Variants in ASPA observed in about 807,000 individuals in gnomAD.
ASPA encodes the protein ACY-2.
ASPA carries 25 observed loss-of-function variants against 29.6 expected under a neutral mutation model. The ratio of observed to expected loss-of-function variants is 0.85; its 90% CI spans 0.62 to 1.18. The LOEUF is 1.18. ASPA is among the 50% of genes most tolerant of loss of function. The pLI, the probability that ASPA is intolerant of heterozygous loss-of-function variation, is 0.00. For synonymous variants in ASPA, 131 were observed against 130.3 expected (o/e 1.01, Z -0.04); for missense variants, 333 against 385.7 (o/e 0.86, Z 1.14).
At chr17:3,487,851 C>A (rs954259907) in intron 3 of ASPA, among the ~76,000 whole-genome samples, 4 of 152,290 alleles carry the variant, frequency 2.6e-5, no homozygotes, top group African/African-American at 9.6e-5. Flanking sequence ...TTGGGGTAGG[C>A]AAACGACAAT....
Position 3,481,667 on chromosome 17 carries a change from G to T in ASPA, c.301G>T (p.Gly101Cys), listed in dbSNP as rs752153847. 15 of 1,613,636 alleles carry T rather than the reference G, an allele frequency of 9.3e-6. No homozygotes were observed. The Admixed American group carries it at 1.8e-4, about 20-fold the overall frequency. ...GGCTCAAGAAATAAATCATTTATTT[G>T]GTCCAAAAGACAGTGAAGATTCCTA... ...RRAQEINHLFGPKDSEDSYDI... is the reference protein window; with the variant it reads ...RRAQEINHLFCPKDSEDSYDI... The change falls in exon 2 of 6, where the codon GGT becomes TGT. Residue 101 changes from glycine (G) to cysteine (C), a missense_variant. Transcript: ENST00000263080.
chr17:3,490,304 G>A lies in ASPA; in HGVS notation c.634+962G>A, dbSNP rs1375459385. Among the ~76,000 whole-genome samples the A allele has an allele frequency of 6.6e-6, 1 of 152,078 alleles. No homozygotes were observed. The highest frequency in any genetic ancestry group is 6.6e-5 in the Admixed American group (1 of 15,266). ...ACAAGGTGGGTATATGCAGCTCTATGCACTATCTGCTCATTTATTTGGTAA... is the reference window on the plus strand; with the variant it reads ...ACAAGGTGGGTATATGCAGCTCTATACACTATCTGCTCATTTATTTGGTAA... On this transcript the variant is annotated intron_variant, in intron 4 of 5. Transcript: ENST00000263080. This position sits in a 1 kb window ranked among gnomAD's most constrained non-coding sequence, Gnocchi z 4.6.
At chr17:3,484,031 A>G (rs1212505577) in intron 3 of ASPA, among the ~76,000 whole-genome samples, 2 of 152,206 alleles carry the variant, frequency 1.3e-5, no homozygotes, top group Admixed American at 6.5e-5. Context: ...GTAACAAGCA[A>G]TTTAGCTCCA....
Position 3,483,531 on chromosome 17 carries a change from T to G in ASPA, c.465T>G (p.Tyr155Ter). The change falls in exon 3 of 6, where the codon TAT (tyrosine) becomes TAG (stop). Residue 155 changes from tyrosine to a stop codon, truncating the protein, a stop_gained. Coordinates refer to ENST00000263080, the MANE Select transcript of ASPA (RefSeq NM_000049.4). LOFTEE classifies it high-confidence loss of function. ...TGGCTCCACTACCCTGCTACGTTTA[T>G]CTGATTGAGCATCCTTCCCTCAAAT... ...TSLAPLPCYV[Y>*]LIEHPSLKYA... The G allele has an allele frequency of 6.2e-7, 1 of 1,614,228 alleles. No homozygotes were observed. The highest frequency in any genetic ancestry group is 8.5e-7 in the Non-Finnish European group (1 of 1,180,030).
At position 3,476,397 on chromosome 17, in the gene ASPA, T is replaced by TAAG. The variant is rs1567608720; in HGVS notation, c.236+4_236+6dup. The TAAG allele has an allele frequency of 6.2e-7, 1 of 1,612,990 alleles. No homozygotes were observed. Among genetic ancestry groups the TAAG allele is most frequent in the Admixed American group, 1.7e-5 (1 of 60,020 alleles). Reference sequence around the variant, plus strand: ...CATTTTTGACCTTGAAAATCTTGGGTAAGACTATGCTTTGTATTGTATATG... The same window carrying TAAG: ...CATTTTTGACCTTGAAAATCTTGGGTAAGAAGACTATGCTTTGTATTGTATATG... On this transcript the variant is annotated splice_region_variant and intron_variant, in intron 1 of 5. Transcript: ENST00000263080.
rs2073967073 is a variant in ASPA at position 3,499,649 on chromosome 17, A to G, written c.*561A>G. ...GTGGCCTTTGATGTTACTGTTGTTA[A>G]GTGTTTTGGGGCACCATGAATCGTG... On this transcript the variant is annotated 3_prime_UTR_variant, in exon 6 of 6. Coordinates refer to ENST00000263080, the MANE Select transcript of ASPA (RefSeq NM_000049.4). 6.6e-6 allele frequency: 1 copy of G among 152,254 alleles called. No individual in the cohort carries two copies. The highest frequency in any genetic ancestry group is 1.5e-5 in the Non-Finnish European group (1 of 68,172). 9.4% of individuals were successfully genotyped at this position (152,254 alleles called of 1,614,324 possible).
chr17:3,502,291 G>A lies in ASPA; in HGVS notation c.*3203G>A, dbSNP rs2073999564. 1 of 152,220 alleles carries A rather than the reference G, an allele frequency of 6.6e-6. No homozygotes were observed. Among genetic ancestry groups the A allele is most frequent in the Admixed American group, 6.5e-5 (1 of 15,284 alleles). The allele number at this position is 152,220 out of a possible 1,614,324, so 9.4% of individuals were successfully genotyped here. A position where few individuals can be genotyped will look rare whatever the true frequency, so the allele number is the denominator to read the frequency against. On this transcript the variant is annotated 3_prime_UTR_variant, in exon 6 of 6. Transcript: ENST00000263080. The stretch of plus-strand genomic sequence containing the variant: ...ACACATTTAACATACTACATATAGT[G>A]TGAGCATAACTTTTACACGTACTGG...
At chr17:3,486,121 A>T (rs1456764913) in intron 3 of ASPA, among the ~76,000 whole-genome samples, 3 of 152,048 alleles carry the variant, frequency 2.0e-5, no homozygotes, top group African/African-American at 7.2e-5. Context: ...TTTAGTAGAG[A>T]CAGGGTTTCA....
At chr17:3,478,231 G>A (rs541898722) in intron 1 of ASPA, among the ~76,000 whole-genome samples, 1 of 151,992 alleles carries the variant, frequency 6.6e-6, no homozygotes, top group South Asian at 2.1e-4. Flanking sequence ...GGCACAACTA[G>A]CCACTGTTCT....
rs1180223965 is a variant in ASPA, at chr17:3,488,313, C to G, written c.527-922C>G. ...CACAAAGTAGACCTAATAGTACAGG[C>G]ATCATTTCATATGAGTTAGAAGAAA... On this transcript the variant is annotated intron_variant, in intron 3 of 5. Transcript: ENST00000263080. This position sits in a 1 kb window ranked among gnomAD's most constrained non-coding sequence, Gnocchi z 6.1. Among the ~76,000 whole-genome samples the G allele has an allele frequency of 6.6e-6, 1 of 152,148 alleles. No individual in the cohort carries two copies. Among genetic ancestry groups the G allele is most frequent in the Non-Finnish European group, 1.5e-5 (1 of 68,026 alleles).
At chr17:3,487,533 TC>T (rs1169812870) in intron 3 of ASPA, among the ~76,000 whole-genome samples, 1 of 152,216 alleles carries the variant, frequency 6.6e-6, no homozygotes, top group Non-Finnish European at 1.5e-5. Flanking sequence ...AGTTTGGAAA[TC>T]TTAAGCTTTT....
chr17:3,494,179 A>G (rs891477158), intron 4 of ASPA, among the ~76,000 whole-genome samples, 171 bp from the exon 5 acceptor site: 15 of 151,610 alleles, frequency 9.9e-5, no homozygotes, highest in African/African-American at 3.6e-4. Context: ...CAACCTGGGT[A>G]TTTTTAGTGG....
intron 1 of ASPA, among the ~76,000 whole-genome samples, chr17:3,478,380 T>C (rs1043163809): frequency 6.6e-6 from 1 of 152,224 alleles, no homozygotes; most frequent in Non-Finnish European, 1.5e-5. Flanking sequence ...AGGGCAATTA[T>C]ACTGCAGTCA....
chr17:3,499,235 AAATT>A lies in ASPA; in HGVS notation c.*155_*158del. On this transcript the variant is annotated 3_prime_UTR_variant, in exon 6 of 6. Coordinates refer to ENST00000263080, the MANE Select transcript of ASPA (RefSeq NM_000049.4). ...CGGTAGGCATCTAAGCACATTTCTTAAATTAATTAATATATCTTTAAAGATATCA... is the reference window on the plus strand; with the variant it reads ...CGGTAGGCATCTAAGCACATTTCTTAAATTAATATATCTTTAAAGATATCA... 3.1e-6 allele frequency: 2 copies of A among 639,962 alleles called. No individual in the cohort carries two copies. The highest frequency in any genetic ancestry group is 2.6e-6 in the Non-Finnish European group (1 of 388,568). 39.6% of individuals were successfully genotyped at this position (639,962 alleles called of 1,614,324 possible).
At chr17:3,484,824 A>G (rs2073691554) in intron 3 of ASPA, among the ~76,000 whole-genome samples, 1 of 152,130 alleles carries the variant, frequency 6.6e-6, no homozygotes, top group Admixed American at 6.5e-5. Context: ...GGAAAAAGGA[A>G]TATCATATAC....
At chr17:3,482,341 CT>C (rs1391345555) in intron 2 of ASPA, among the ~76,000 whole-genome samples, 5 of 152,156 alleles carry the variant, frequency 3.3e-5, no homozygotes, top group Non-Finnish European at 7.4e-5. Context: ...TACGTCTAAT[CT>C]TTCAGTACTT....
chr17:3,479,503 C>G (rs2073590521), intron 1 of ASPA, among the ~76,000 whole-genome samples: 1 of 152,158 alleles, frequency 6.6e-6, no homozygotes, highest in Non-Finnish European at 1.5e-5. Context: ...AGTAGGCTGT[C>G]CAGGGCTGAT....
intron 2 of ASPA, among the ~76,000 whole-genome samples, chr17:3,482,670 C>T (rs936886206): frequency 2.0e-5 from 3 of 152,180 alleles, no homozygotes; most frequent in Non-Finnish European, 4.4e-5. Context: ...CATTTAGCCT[C>T]ATACCTGGCC....
At position 3,502,396 on chromosome 17, in the gene ASPA, C is replaced by A. The variant is rs942764542; in HGVS notation, c.*3308C>A. On this transcript the variant is annotated 3_prime_UTR_variant, in exon 6 of 6. Transcript: ENST00000263080. ...ATCTGGAGCCAAGGCTGAAATATCT[C>A]TGAGGTATGCCTGTAATGTATAAGT... The A allele has an allele frequency of 6.6e-6, 1 of 152,168 alleles. No individual in the cohort carries two copies. Among genetic ancestry groups the A allele is most frequent in the Non-Finnish European group, 1.5e-5 (1 of 68,030 alleles). 9.4% of individuals were successfully genotyped at this position (152,168 alleles called of 1,614,324 possible). A position where few individuals can be genotyped will look rare whatever the true frequency, so the allele number is the denominator to read the frequency against.
Sources: gnomAD v4.1 joint callset for allele counts (sites outside exome capture counted in the v4.1 genomes callset) on GRCh38, gnomAD v4.1.1 for gene constraint, Gnocchi (gnomAD v3.1) non-coding constraint, MANE v1.5 for transcripts, NCBI Gene and HGNC (gene_info 2026-07-23, HGNC 2026-07-21) for gene names.